The following TENM3 variants were observed in gnomAD, a reference collection of about 807,000 sequenced individuals.
The protein encoded by TENM3 is teneurin transmembrane protein 3.
Under a neutral mutation model 255.1 loss-of-function variants are expected in TENM3, and 63 were observed. The observed-to-expected ratio is 0.25, with a 90% CI of 0.20 to 0.30. The LOEUF (loss-of-function observed/expected upper bound fraction) is 0.30, where lower values mean the gene tolerates loss of function less well. Among genes scored for constraint, TENM3 ranks in the 10% least tolerant of loss-of-function variants. The pLI, the probability that TENM3 is intolerant of heterozygous loss-of-function variation, is 1.00. For synonymous variants in TENM3, 1,306 were observed against 1,322.3 expected (o/e 0.99, Z 0.27); for missense variants, 2,929 against 3,461.1 (o/e 0.85, Z 3.86).
intron 3 of TENM3, among the ~76,000 whole-genome samples, chr4:182,585,529 G>T (rs1371314623): frequency 6.6e-6 from 1 of 151,358 alleles, no homozygotes; most frequent in African/African-American, 2.5e-5. Flanking sequence ...CCTGCTGTCT[G>T]CCTCGCCTCA....
At chr4:181,825,026 T>C in the TENM3 span, among the ~76,000 whole-genome samples, 3 of 152,202 alleles carry the variant, frequency 2.0e-5, no homozygotes, top group Non-Finnish European at 4.4e-5. Context: ...TCAGAAATGA[T>C]AGCAGTGGCC....
the TENM3 span, among the ~76,000 whole-genome samples, chr4:181,569,752 AT>A: frequency 6.6e-6 from 1 of 152,194 alleles, no homozygotes; most frequent in Non-Finnish European, 1.5e-5. Context: ...GTCAGGAACA[AT>A]AAGAGTCAGC....
At chr4:181,951,783 GCAAA>G in the TENM3 span, among the ~76,000 whole-genome samples, 4 of 152,204 alleles carry the variant, frequency 2.6e-5, no homozygotes, top group Non-Finnish European at 5.9e-5. Context: ...ACATGCAACA[GCAAA>G]CAAACGAGAG....
At chr4:181,849,703 A>G in the TENM3 span, among the ~76,000 whole-genome samples, 2 of 152,186 alleles carry the variant, frequency 1.3e-5, no homozygotes, top group Admixed American at 1.3e-4. Context: ...CTTTTGTATG[A>G]CATTATACAG....
intron 4 of TENM3, among the ~76,000 whole-genome samples, chr4:182,627,660 C>CAG (rs374088251): frequency 0.033 from 62 of 1,890 alleles, 1 homozygote. Flanking sequence ...TCAGTGGATA[C>CAG]TCACTGAATA....
At chr4:181,662,830 C>G in the TENM3 span, among the ~76,000 whole-genome samples, 1 of 152,012 alleles carries the variant, frequency 6.6e-6, no homozygotes, top group East Asian at 1.9e-4. Context: ...ACTATTTTAC[C>G]CTCTCCTATT....
intron 12 of TENM3, among the ~76,000 whole-genome samples, chr4:182,701,767 T>G (rs1757900248): frequency 6.6e-6 from 1 of 152,198 alleles, no homozygotes; most frequent in Non-Finnish European, 1.5e-5. Context: ...GACTACATGT[T>G]TGTGTGCCAC....
the TENM3 span, among the ~76,000 whole-genome samples, chr4:181,558,083 T>C: frequency 6.6e-6 from 1 of 152,158 alleles, no homozygotes; most frequent in Non-Finnish European, 1.5e-5. Context: ...CTCTAGAGAT[T>C]TTGAAGGGAT....
intron 3 of TENM3, among the ~76,000 whole-genome samples, chr4:182,441,593 G>A (rs2151259028): frequency 1.3e-5 from 2 of 152,274 alleles, no homozygotes; most frequent in South Asian, 4.1e-4. Context: ...TGCCTCCCAG[G>A]TTCAAGTGAT....
At chr4:181,896,827 C>G in the TENM3 span, among the ~76,000 whole-genome samples, 2 of 152,200 alleles carry the variant, frequency 1.3e-5, no homozygotes, top group Non-Finnish European at 2.9e-5. Flanking sequence ...CTCCACATAG[C>G]TGGGCTCTGA....
chr4:182,721,863 T>C (rs894069939), intron 13 of TENM3, among the ~76,000 whole-genome samples: 2 of 152,196 alleles, frequency 1.3e-5, no homozygotes, highest in Admixed American at 1.3e-4. Flanking sequence ...ATTTCTTTTT[T>C]TGCTAATTGC....
At chr4:181,551,849 T>C in the TENM3 span, among the ~76,000 whole-genome samples, 1 of 18,654 alleles carries the variant, frequency 5.4e-5, no homozygotes. Context: ...TGTGTGTGTG[T>C]GTGTGTGTGT....
intron 22 of TENM3, among the ~76,000 whole-genome samples, chr4:182,760,675 A>G (rs1763114713): frequency 6.6e-6 from 1 of 152,166 alleles, no homozygotes; most frequent in Non-Finnish European, 1.5e-5. Flanking sequence ...CACATTATGT[A>G]GGTATATATG....
chr4:182,297,588 T>C, intron 1 of TENM3, among the ~76,000 whole-genome samples: 1 of 152,206 alleles, frequency 6.6e-6, no homozygotes, highest in African/African-American at 2.4e-5. Flanking sequence ...CAAGCTGCCT[T>C]ACGTCAGACA....
the TENM3 span, among the ~76,000 whole-genome samples, chr4:182,112,604 C>T: frequency 6.6e-6 from 1 of 152,166 alleles, no homozygotes; most frequent in African/African-American, 2.4e-5. Flanking sequence ...TTTTACTCTA[C>T]TTAATGCAGC....
chr4:182,483,036 G>T (rs558599762), intron 3 of TENM3, among the ~76,000 whole-genome samples: 1 of 150,848 alleles, frequency 6.6e-6, no homozygotes, highest in African/African-American at 2.4e-5. Context: ...AAAAGAAAAA[G>T]AACATGTTTG....
chr4:181,565,722 TTAGC>T, the TENM3 span, among the ~76,000 whole-genome samples: 2 of 152,334 alleles, frequency 1.3e-5, no homozygotes, highest in Admixed American at 6.5e-5. Context: ...TATTTCTATG[TTAGC>T]TAGAATGATT....
At position 182,161,813 on chromosome 4, in the gene TENM3, A is replaced by ATGTGTATATATG. The variant is rs1554023604; in HGVS notation, c.-76+17062_-76+17063insGTATATATGTGT. ...TATATGTATATATATACACATATAT[A>ATGTGTATATATG]TGTATATATATACACATATATATGT... On this transcript the variant is annotated intron_variant, in intron 1 of 2. Coordinates refer to the TENM3 transcript ENST00000512480. Among the ~76,000 whole-genome samples, 28 of 43,214 alleles carry ATGTGTATATATG rather than the reference A, an allele frequency of 6.5e-4. 2 individuals carry two copies. Among genetic ancestry groups the ATGTGTATATATG allele is most frequent in the Admixed American group, 1.8e-3 (4 of 2,222 alleles). The allele number at this position is 43,214 out of a possible 152,430, so 28.4% of individuals were successfully genotyped here. A position where few individuals can be genotyped will look rare whatever the true frequency, so the allele number is the denominator to read the frequency against.
the TENM3 span, among the ~76,000 whole-genome samples, chr4:181,605,576 G>GAAAAGA: frequency 4.3e-5 from 1 of 23,088 alleles, no homozygotes; most frequent in African/African-American, 7.8e-5. Flanking sequence ...GAAAGAGAGA[G>GAAAAGA]AAAGAAAGGA....
Sources: gnomAD v4.1 joint callset for allele counts (sites outside exome capture counted in the v4.1 genomes callset) on GRCh38, gnomAD v4.1.1 for gene constraint, MANE v1.5 for transcripts, NCBI Gene and HGNC (gene_info 2026-07-23, HGNC 2026-07-21) for gene names.